The following ADAMTS15 variants were observed in gnomAD, a reference collection of about 807,000 sequenced individuals.
ADAMTS15 encodes the protein ADAM metallopeptidase with thrombospondin type 1 motif 15.
A neutral mutation model predicts 79.1 loss-of-function variants in ADAMTS15; 35 were observed. The ratio of observed to expected loss-of-function variants is 0.44; its 90% CI spans 0.34 to 0.59. ADAMTS15 has a LOEUF of 0.59. Among genes scored for constraint, ADAMTS15 ranks in the 20% least tolerant of loss-of-function variants. ADAMTS15 has a pLI of 0.02. For missense variants in ADAMTS15, 1,324 were observed against 1,318.7 expected (o/e 1.00, Z -0.06); for synonymous variants, 616 against 567.3 (o/e 1.09, Z -1.22).
intron 1 of ADAMTS15, among the ~76,000 whole-genome samples, chr11:130,451,652 C>T (rs1462143039): frequency 2.0e-5 from 3 of 152,124 alleles, no homozygotes; most frequent in Admixed American, 6.6e-5. Flanking sequence ...ACCTGGGCTG[C>T]CCCAGTGCAG....
At position 130,471,199 on chromosome 11, in the gene ADAMTS15, G is replaced by A. The variant is rs1488402563; in HGVS notation, c.1903-9G>A. The A allele has an allele frequency of 3.1e-6, 5 of 1,591,448 alleles. No homozygotes were observed. The highest frequency in any genetic ancestry group is 2.3e-5 in the South Asian group (2 of 87,580). On this transcript the variant is annotated splice_polypyrimidine_tract_variant and intron_variant, in intron 6 of 7. Transcript: ENST00000299164. ...TCTTCCTTCTTTTTCCCCTTCTGGGGTGCTGCAGGTGGTGGACGGCACGCT... is the reference window on the plus strand; with the variant it reads ...TCTTCCTTCTTTTTCCCCTTCTGGGATGCTGCAGGTGGTGGACGGCACGCT...
chr11:130,462,871 G>T lies in ADAMTS15; in HGVS notation c.1542+91G>T. The T allele has an allele frequency of 6.6e-7, 1 of 1,511,600 alleles. No homozygotes were observed. Among genetic ancestry groups the T allele is most frequent in the South Asian group, 1.3e-5 (1 of 74,602 alleles). The allele number at this position is 1,511,600 out of a possible 1,614,324, so 93.6% of individuals were successfully genotyped here. A position where few individuals can be genotyped will look rare whatever the true frequency, so the allele number is the denominator to read the frequency against. ...TCTGCCCTTGGTCTTCACCAGGAAG[G>T]TGCCTATCACAGACTGGCCACGGGA... On this transcript the variant is annotated intron_variant, in intron 4 of 7. Transcript: ENST00000299164. The surrounding 1 kb of genome is among the most constrained non-coding windows in gnomAD (Gnocchi z 4.3).
intron 5 of ADAMTS15, among the ~76,000 whole-genome samples, chr11:130,470,166 A>ATATATGTATATATGTG (rs1565397707): frequency 5.2e-5 from 3 of 57,604 alleles, no homozygotes; most frequent in Admixed American, 3.2e-4. Context: ...ATATATATAT[A>ATATATGTATATATGTG]TATATATATA....
chr11:130,459,317 A>G (rs1233191989), intron 1 of ADAMTS15, among the ~76,000 whole-genome samples: 1 of 152,126 alleles, frequency 6.6e-6, no homozygotes, highest in East Asian at 1.9e-4. Context: ...GGTGTGCACC[A>G]TCATGCCTGG....
At chr11:130,456,411 A>G (rs566234674) in intron 1 of ADAMTS15, among the ~76,000 whole-genome samples, 6 of 152,286 alleles carry the variant, frequency 3.9e-5, no homozygotes, top group Admixed American at 6.5e-5. Flanking sequence ...AGGGATTTAT[A>G]TGCCAGTGAA....
At position 130,449,672 on chromosome 11, in the gene ADAMTS15, C is replaced by A; in HGVS notation, c.699C>A (p.Phe233Leu). The change falls in exon 1 of 8, where the codon TTC becomes TTA. Residue 233 changes from phenylalanine (F) to leucine (L), a missense_variant. By Grantham distance (22) the Phe-to-Leu change is conservative. Transcript: ENST00000299164. The surrounding 1 kb of genome is among the most constrained non-coding windows in gnomAD (Gnocchi z 7.8). Reference protein sequence around the residue: ...LVVADESMVKFHGADLEHYLL... With the variant: ...LVVADESMVKLHGADLEHYLL... ...TCGCGGACGAGTCAATGGTCAAGTT[C>A]CACGGCGCGGACCTGGAACATTATC... 1.9e-6 allele frequency: 3 copies of A among 1,601,714 alleles called. No homozygotes were observed. Among genetic ancestry groups the A allele is most frequent in the Admixed American group, 1.7e-5 (1 of 57,716 alleles).
Position 130,449,249 on chromosome 11 carries a change from C to CG in ADAMTS15, c.281dup (p.Ser95LeufsTer43). 6.2e-7 allele frequency: 1 copy of CG among 1,613,536 alleles called. No individual in the cohort carries two copies. Among genetic ancestry groups the CG allele is most frequent in the Non-Finnish European group, 8.5e-7 (1 of 1,180,024 alleles). On this transcript the variant is annotated frameshift_variant, in exon 1 of 8. Transcript: ENST00000299164. LOFTEE classifies it high-confidence loss of function. The surrounding 1 kb of genome is among the most constrained non-coding windows in gnomAD (Gnocchi z 7.8). The stretch of plus-strand genomic sequence containing the variant: ...TGGGCGTCCCCCTCCAGGGGCTCAC[C>CG]GGGGGCTCTTCAGACCTGCGACGCT...
chr11:130,470,133 C>CATGTATATATATATATATACGTAT (rs1555080995), intron 5 of ADAMTS15, among the ~76,000 whole-genome samples: 1 of 74,820 alleles, frequency 1.3e-5, no homozygotes, highest in Admixed American at 1.7e-4. Flanking sequence ...TATATATATA[C>CATGTATATATATATATATACGTAT]ATATATATAT....
chr11:130,470,182 G>C (rs2875240), intron 5 of ADAMTS15, among the ~76,000 whole-genome samples: 2 of 72,744 alleles, frequency 2.7e-5, no homozygotes, highest in South Asian at 4.1e-4. Context: ...ATATATATAT[G>C]TGTGTATATA....
intron 1 of ADAMTS15, chr11:130,450,261 G>T (rs567225455): frequency 1.0e-6 from 1 of 985,486 alleles, no homozygotes; most frequent in Non-Finnish European, 1.2e-6. Context: ...GTCCAAGACC[G>T]ATAGGAGACG....
intron 1 of ADAMTS15, among the ~76,000 whole-genome samples, chr11:130,461,027 G>C (rs1029153753): frequency 1.3e-5 from 2 of 152,160 alleles, no homozygotes; most frequent in South Asian, 2.1e-4. Context: ...CTTAATTCAT[G>C]GTTGGCCAAA....
At chr11:130,455,144 G>A (rs1938050408) in intron 1 of ADAMTS15, among the ~76,000 whole-genome samples, 1 of 152,172 alleles carries the variant, frequency 6.6e-6, no homozygotes. Context: ...ATGATGACAT[G>A]ATACCTCACT....
At chr11:130,455,560 T>C (rs1366320584) in intron 1 of ADAMTS15, among the ~76,000 whole-genome samples, 1 of 152,170 alleles carries the variant, frequency 6.6e-6, no homozygotes, top group Admixed American at 6.5e-5. Context: ...TCTGGATGCT[T>C]AGGTAGCTCA....
Position 130,470,981 on chromosome 11 carries a change from C to T in ADAMTS15, c.1782C>T (p.Thr594=). The change falls in exon 6 of 8, where the codon ACC becomes ACT. Residue 594 remains threonine (T), a synonymous_variant. Coordinates refer to ENST00000299164, the MANE Select transcript of ADAMTS15 (RefSeq NM_139055.4). ...CEAFNGYNHS[T]NRLTLAVAWV... is the part of the protein sequence containing the mutation. ...CTTTCAACGGCTACAACCACAGCACCAACCGGCTCACTCTCGCCGTGGCAT... is the reference window on the plus strand; with the variant it reads ...CTTTCAACGGCTACAACCACAGCACTAACCGGCTCACTCTCGCCGTGGCAT... The T allele has an allele frequency of 6.2e-7, 1 of 1,613,892 alleles. No homozygotes were observed. The highest frequency in any genetic ancestry group is 8.5e-7 in the Non-Finnish European group (1 of 1,180,040).
At chr11:130,460,035 G>A (rs1938167137) in intron 1 of ADAMTS15, among the ~76,000 whole-genome samples, 1 of 152,186 alleles carries the variant, frequency 6.6e-6, no homozygotes, top group Non-Finnish European at 1.5e-5. Flanking sequence ...ATAGGGCTGT[G>A]TGTGCAAAGT....
At chr11:130,468,157 G>A (rs893951804) in intron 4 of ADAMTS15, among the ~76,000 whole-genome samples, 2 of 152,164 alleles carry the variant, frequency 1.3e-5, no homozygotes, top group African/African-American at 2.4e-5. Flanking sequence ...AACTTTTGCC[G>A]GGGCCAGCGT....
At chr11:130,453,109 G>A (rs188590189) in intron 1 of ADAMTS15, among the ~76,000 whole-genome samples, 12 of 152,294 alleles carry the variant, frequency 7.9e-5, no homozygotes, top group African/African-American at 2.9e-4. Flanking sequence ...GGGAGGAGGG[G>A]CGTTCTCCTG....
intron 1 of ADAMTS15, among the ~76,000 whole-genome samples, chr11:130,453,584 A>G (rs1436319889): frequency 6.6e-6 from 1 of 151,792 alleles, no homozygotes; most frequent in East Asian, 1.9e-4. Context: ...GGCCTGCACT[A>G]CCGTGCCCAG....
At chr11:130,465,289 C>G (rs1308013976) in intron 4 of ADAMTS15, among the ~76,000 whole-genome samples, 1 of 152,196 alleles carries the variant, frequency 6.6e-6, no homozygotes, top group Non-Finnish European at 1.5e-5. Flanking sequence ...TTTACAGTGG[C>G]TGAATTGTCC....
Sources: allele counts gnomAD v4.1 joint callset (sites outside exome capture counted in the v4.1 genomes callset), GRCh38; gene constraint gnomAD v4.1.1; non-coding constraint Gnocchi (gnomAD v3.1); transcripts MANE v1.5; gene names NCBI Gene and HGNC (gene_info 2026-07-23, HGNC 2026-07-21).